The following RGS5 variants were observed in gnomAD, a reference collection of about 807,000 sequenced individuals.
RGS5 encodes regulator of G protein signaling 5.
RGS5 carries 20 observed loss-of-function variants against 18.9 expected under a neutral mutation model. The ratio of observed to expected loss-of-function variants is 1.06; its 90% confidence interval spans 0.74 to 1.54. The LOEUF (loss-of-function observed/expected upper bound fraction) is 1.54, where lower values mean the gene tolerates loss of function less well. Ranked by LOEUF, RGS5 falls within the 40% of genes most tolerant of loss-of-function variation. RGS5 has a pLI of 0.00. For synonymous variants in RGS5, 57 were observed against 76.2 expected, an observed-to-expected ratio of 0.75 and a Z score of 1.31; for missense variants, 201 against 211.8, an observed-to-expected ratio of 0.95 and a Z score of 0.32.
At chr1:163,201,155 T>C (rs1199266340) in intron 1 of RGS5, among the ~76,000 whole-genome samples, 1 of 152,102 alleles carries the variant, frequency 6.6e-6, no homozygotes, top group East Asian at 1.9e-4. Flanking sequence ...TACATAAGAG[T>C]ACACAATTTC....
upstream of RGS5, among the ~76,000 whole-genome samples, chr1:163,206,068 T>C (rs1023075864): frequency 6.6e-6 from 1 of 152,188 alleles, no homozygotes; most frequent in African/African-American, 2.4e-5. Flanking sequence ...TTTTAAACCA[T>C]AAGCAAGCTC....
At chr1:163,196,151 G>A (rs562340002) in intron 1 of RGS5, among the ~76,000 whole-genome samples, 14 of 152,032 alleles carry the variant, frequency 9.2e-5, no homozygotes, top group Non-Finnish European at 1.8e-4. Flanking sequence ...TCCTCTGGGT[G>A]ACTCAGCCTT....
In RGS5 at chr1:163,284,149, C is replaced by T. The variant is rs1187859970; in HGVS notation, c.-281+22084G>A. ...TATGATTAAATAGTAGCTTGAATTC[C>T]TGTTTTAAGAGAATCTGACCTATAA... is the stretch of plus-strand genomic sequence containing the variant. On this transcript the variant is annotated intron_variant, in intron 2 of 5. Coordinates refer to the RGS5 transcript ENST00000618415. Among the ~76,000 whole-genome samples the T allele has an allele frequency of 2.6e-5, 4 of 152,102 alleles. No individual in the cohort carries two copies. The East Asian group carries it at 7.7e-4, about 29-fold the overall frequency.
At chr1:163,207,306 T>C (rs1379557881), upstream of RGS5, among the ~76,000 whole-genome samples, 2 of 152,208 alleles carry the variant, frequency 1.3e-5, no homozygotes, top group African/African-American at 4.8e-5. Context: ...TTTCTAATTG[T>C]TTGCTTCTGG....
At chr1:163,153,108 C>A (rs1048866045) in intron 3 of RGS5, among the ~76,000 whole-genome samples, 1 of 152,242 alleles carries the variant, frequency 6.6e-6, no homozygotes, top group East Asian at 1.9e-4. Context: ...GAAAATAATA[C>A]ATTTAAAACT....
intron 1 of RGS5, among the ~76,000 whole-genome samples, chr1:163,178,572 C>T (rs775888341): frequency 4.6e-5 from 7 of 152,070 alleles, no homozygotes; most frequent in African/African-American, 7.2e-5. Context: ...TTAACCAAGA[C>T]GATACCTAAA....
In RGS5 at chr1:163,259,905, T is replaced by C. The variant is rs1181876196; in HGVS notation, c.-281+46328A>G. On this transcript the variant is annotated intron_variant, in intron 2 of 5. Transcript: ENST00000618415. Reference sequence around the variant, plus strand: ...GAGGTACTGAGGTACTGAGGTAACATACTGACTGTATCCTCTTCCAGGAAG... The same window carrying C: ...GAGGTACTGAGGTACTGAGGTAACACACTGACTGTATCCTCTTCCAGGAAG... 2.2e-5 allele frequency: 3 copies of C among 135,906 alleles called. No individual in the cohort carries two copies. The Admixed American group carries it at 2.4e-4, about 11-fold the overall frequency. 8.4% of individuals were successfully genotyped at this position (135,906 alleles called of 1,614,324 possible).
rs954422963 is a variant in RGS5 at position 163,142,384 on chromosome 1, G to A, written c.*4958C>T. The A allele has an allele frequency of 6.6e-6, 1 of 152,130 alleles. No homozygotes were observed. Among genetic ancestry groups the A allele is most frequent in the Non-Finnish European group, 1.5e-5 (1 of 68,024 alleles). 9.4% of individuals were successfully genotyped at this position (152,130 alleles called of 1,614,324 possible). A position where few individuals can be genotyped will look rare whatever the true frequency, so the allele number is the denominator to read the frequency against. On this transcript the variant is annotated 3_prime_UTR_variant, in exon 5 of 5. Transcript: ENST00000313961. Reference sequence around the variant, plus strand: ...TGGTGCTTTATTTATCCAGAAGCATGAGTCACATAGTACATAAAGTATTGA... The same window carrying A: ...TGGTGCTTTATTTATCCAGAAGCATAAGTCACATAGTACATAAAGTATTGA...
chr1:163,146,478 G>A lies in RGS5; in HGVS notation c.*864C>T, dbSNP rs181279048. 23 of 152,162 alleles carry A rather than the reference G, an allele frequency of 1.5e-4. No homozygotes were observed. The highest frequency in any genetic ancestry group is 1.4e-3 in the Admixed American group (21 of 15,272). The allele number at this position is 152,162 out of a possible 1,614,324, so 9.4% of individuals were successfully genotyped here. ...GGGAGACTACTCCAATGGAGCAACAGTTTCATTTTACATGATTGGATTTAG... is the reference window on the plus strand; with the variant it reads ...GGGAGACTACTCCAATGGAGCAACAATTTCATTTTACATGATTGGATTTAG... On this transcript the variant is annotated 3_prime_UTR_variant, in exon 5 of 5. Transcript: ENST00000313961.
intron 1 of RGS5, among the ~76,000 whole-genome samples, chr1:163,195,363 G>A (rs1659521810): frequency 6.6e-6 from 1 of 151,978 alleles, no homozygotes; most frequent in Admixed American, 6.6e-5. Context: ...TTATAAGTGG[G>A]AGCTAAGCTA....
chr1:163,234,063 C>T (rs1396467377), intron 2 of RGS5, among the ~76,000 whole-genome samples: 1 of 152,222 alleles, frequency 6.6e-6, no homozygotes, highest in African/African-American at 2.4e-5. Context: ...TTTCCACTCC[C>T]TGATCCTTTG....
chr1:163,302,440 AAAC>A (rs1329030183), intron 2 of RGS5, among the ~76,000 whole-genome samples: 3 of 152,178 alleles, frequency 2.0e-5, no homozygotes, highest in African/African-American at 7.2e-5. Flanking sequence ...TATGTGTTAA[AAAC>A]AACACTAATA....
intron 2 of RGS5, chr1:163,304,471 G>C (rs571547182): frequency 3.3e-5 from 5 of 152,278 alleles, no homozygotes; most frequent in African/African-American, 1.2e-4. Context: ...GGTTTAATAT[G>C]CATCTTCTCC....
intron 1 of RGS5, among the ~76,000 whole-genome samples, chr1:163,184,543 G>A (rs4132247): frequency 0.21 from 31,592 of 152,002 alleles, 3,710 homozygotes; most frequent in African/African-American, 0.32. Context: ...TCCCCAAATC[G>A]CCCTCCATGG....
chr1:163,293,358 A>T (rs921686498), intron 2 of RGS5, among the ~76,000 whole-genome samples: 3 of 152,196 alleles, frequency 2.0e-5, no homozygotes, highest in Admixed American at 2.0e-4. Context: ...GAAGCAAGGC[A>T]CATCTGACAT....
intron 2 of RGS5, among the ~76,000 whole-genome samples, chr1:163,240,313 A>G (rs1647755214): frequency 6.6e-6 from 1 of 152,164 alleles, no homozygotes; most frequent in South Asian, 2.1e-4. Context: ...GTGTATGCAA[A>G]AACATAAATA....
chr1:163,298,432 A>C (rs1447328360), intron 2 of RGS5, among the ~76,000 whole-genome samples: 1 of 152,124 alleles, frequency 6.6e-6, no homozygotes, highest in Non-Finnish European at 1.5e-5. Flanking sequence ...GGACTTGAAG[A>C]GGGGCCAGAT....
intron 2 of RGS5, among the ~76,000 whole-genome samples, chr1:163,285,844 A>G (rs1274070633): frequency 1.3e-5 from 2 of 151,928 alleles, no homozygotes; most frequent in African/African-American, 4.8e-5. Flanking sequence ...TGCCTTTGCC[A>G]TGGGTAAGTT....
At chr1:163,312,270 C>G (rs932932244) in intron 1 of RGS5, among the ~76,000 whole-genome samples, 1 of 152,194 alleles carries the variant, frequency 6.6e-6, no homozygotes, top group Non-Finnish European at 1.5e-5. Flanking sequence ...AGAGGCCTCC[C>G]CAGCCATGCT....
Sources: gnomAD v4.1 joint callset for allele counts (sites outside exome capture counted in the v4.1 genomes callset) on GRCh38, gnomAD v4.1.1 for gene constraint, MANE v1.5 for transcripts, NCBI Gene and HGNC (gene_info 2026-07-23, HGNC 2026-07-21) for gene names.